Variants in MASP1 observed in about 807,000 individuals in gnomAD.
MASP1 encodes mannan-binding lectin serine protease 1.
A neutral mutation model predicts 77.1 loss-of-function variants in MASP1; 59 were observed. That is an observed-to-expected ratio of 0.77 (90% CI 0.62 to 0.95). MASP1 has a LOEUF of 0.95. Among genes scored for constraint, MASP1 ranks in the 40% least tolerant of loss-of-function variants. The probability of loss-of-function intolerance (pLI) is 0.00; values close to 1 mark genes in which losing one functional copy is unlikely to be tolerated. For synonymous variants in MASP1, 362 were observed against 354.5 expected (o/e 1.02, Z -0.24); for missense variants, 885 against 912.9 (o/e 0.97, Z 0.39).
chr3:187,225,446 A>C lies in MASP1; in HGVS notation c.1619T>G (p.Leu540Arg), dbSNP rs777936687. Residue 540 changes from leucine to arginine, a missense_variant, in exon 13 of 16, where the codon CTC becomes CGC. Transcript: ENST00000337774. ...TGTGTTGGGATCATACTGGGGGTGGAGAGTGGTGTGTTTGACGCCGAGATG... is the reference window on the plus strand; with the variant it reads ...TGTGTTGGGATCATACTGGGGGTGGCGAGTGGTGTGTTTGACGCCGAGATG... 9 of 1,614,020 alleles carry C rather than the reference A, an allele frequency of 5.6e-6. No individual in the cohort carries two copies. In the East Asian group the frequency reaches 1.6e-4, roughly 28 times the overall value.
In MASP1 at chr3:187,235,465, G is replaced by A. The variant is rs1713068704; in HGVS notation, c.*219C>T. ...GTAGAGTGAGGCCCAGACAGGGAAA[G>A]AGACTTGGACAAGCTCAGGAACACA... On this transcript the variant is annotated 3_prime_UTR_variant, in exon 11 of 11. Coordinates refer to ENST00000296280, the MANE Select transcript of MASP1 (RefSeq NM_139125.4). 1 of 1,519,846 alleles carries A rather than the reference G, an allele frequency of 6.6e-7. No individual in the cohort carries two copies. The highest frequency in any genetic ancestry group is 2.5e-5 in the East Asian group (1 of 40,076). The allele number at this position is 1,519,846 out of a possible 1,614,324, so 94.1% of individuals were successfully genotyped here. A position where few individuals can be genotyped will look rare whatever the true frequency, so the allele number is the denominator to read the frequency against.
downstream of MASP1, among the ~76,000 whole-genome samples, chr3:187,232,355 G>A (rs756147109): frequency 1.3e-5 from 2 of 150,760 alleles, no homozygotes; most frequent in Non-Finnish European, 2.9e-5. Flanking sequence ...CTACCTCTAT[G>A]CCATCATACT....
At chr3:187,265,352 C>T (rs779251172) in intron 2 of MASP1, among the ~76,000 whole-genome samples, 1 of 152,164 alleles carries the variant, frequency 6.6e-6, no homozygotes, top group Non-Finnish European at 1.5e-5. Flanking sequence ...TAGGGAGATA[C>T]TACTGAGGGT....
At position 187,234,179 on chromosome 3, in the gene MASP1, G is replaced by T. The variant is rs1431147461; in HGVS notation, c.*1505C>A. 1 of 1,287,206 alleles carries T rather than the reference G, an allele frequency of 7.8e-7. No homozygotes were observed. Among genetic ancestry groups the T allele is most frequent in the Non-Finnish European group, 1.0e-6 (1 of 988,672 alleles). 79.7% of individuals were successfully genotyped at this position (1,287,206 alleles called of 1,614,324 possible). ...GAATGGTGAAGCATATGATATAAAA[G>T]ATACAAAATATAACATCATTTACAT... On this transcript the variant is annotated 3_prime_UTR_variant, in exon 11 of 11. Transcript: ENST00000296280.
chr3:187,265,498 C>A (rs569204316), intron 2 of MASP1, among the ~76,000 whole-genome samples: 3 of 152,202 alleles, frequency 2.0e-5, no homozygotes, highest in African/African-American at 7.2e-5. Context: ...CAGCTGAGGC[C>A]CATGGGAAAA....
chr3:187,253,097 C>A, intron 6 of MASP1, 71 bp downstream of exon 6: 1 of 1,601,928 alleles, frequency 6.2e-7, no homozygotes. Context: ...CTGCACACCT[C>A]CTCCCTCAGC....
chr3:187,291,523 T>A (rs1718330791), intron 1 of MASP1, 105 bp downstream of exon 1: 2 of 1,465,782 alleles, frequency 1.4e-6, no homozygotes, highest in African/African-American at 1.4e-5. Flanking sequence ...CACTACCACA[T>A]GCAGGACACG....
intron 15 of MASP1, chr3:187,220,362 G>A (rs1711972515): frequency 1.9e-6 from 2 of 1,055,582 alleles, no homozygotes; most frequent in Non-Finnish European, 2.8e-6. Flanking sequence ...GGGCACTAGA[G>A]GGCATAGCAG....
Position 187,273,741 on chromosome 3 carries a change from G to A in MASP1, c.238-11021C>T, listed in dbSNP as rs542677464. On this transcript the variant is annotated intron_variant, in intron 2 of 10. Coordinates refer to ENST00000296280, the MANE Select transcript of MASP1 (RefSeq NM_139125.4). ...CAGATAGAAACTTGGGTCTAGAAAC[G>A]AAGGAGGCATCTGGTATGTGTTTGC... Among the ~76,000 whole-genome samples, 39 of 152,324 alleles carry A rather than the reference G, an allele frequency of 2.6e-4. No homozygotes were observed. The South Asian group carries it at 7.9e-3, about 31-fold the overall frequency.
At chr3:187,219,168 C>G (rs562034927) in exon 16 of MASP1, 1 of 152,156 alleles carries the variant, frequency 6.6e-6, no homozygotes, top group African/African-American at 2.4e-5. Flanking sequence ...TCCTTTGAAC[C>G]GATTGTAATT....
intron 4 of MASP1, among the ~76,000 whole-genome samples, 179 bp downstream of exon 4, chr3:187,260,562 G>T (rs755900062): frequency 1.7e-4 from 26 of 152,236 alleles, no homozygotes; most frequent in Non-Finnish European, 2.9e-4. Flanking sequence ...GGGAACCCAA[G>T]ATCAGGTTTC....
chr3:187,229,504 T>C (rs1381800574), downstream of MASP1, among the ~76,000 whole-genome samples: 1 of 152,208 alleles, frequency 6.6e-6, no homozygotes, highest in Non-Finnish European at 1.5e-5. Context: ...TGGCTCTCCC[T>C]GAACTCACAG....
intron 1 of MASP1, among the ~76,000 whole-genome samples, chr3:187,289,974 T>C (rs1320372795): frequency 6.6e-6 from 1 of 152,228 alleles, no homozygotes; most frequent in East Asian, 1.9e-4. Context: ...TGGAGACTTT[T>C]CTAGCAGAGC....
downstream of MASP1, among the ~76,000 whole-genome samples, chr3:187,229,333 TC>T (rs1712628804): frequency 1.3e-5 from 2 of 152,328 alleles, no homozygotes; most frequent in East Asian, 3.9e-4. Context: ...TCTCCTGGCC[TC>T]CAGTTTCACC....
chr3:187,230,016 T>C, downstream of MASP1: 2 of 1,090,362 alleles, frequency 1.8e-6, no homozygotes, highest in Non-Finnish European at 2.6e-6. Context: ...CCTCCACCAT[T>C]AATTGACCTT....
chr3:187,258,613 C>T (rs984223605), intron 4 of MASP1, among the ~76,000 whole-genome samples: 10 of 152,160 alleles, frequency 6.6e-5, no homozygotes, highest in Middle Eastern at 3.2e-3. Flanking sequence ...ACTATGAGGA[C>T]GGCCACCTGC....
chr3:187,239,170 C>T (rs868360795), intron 10 of MASP1, among the ~76,000 whole-genome samples: 36 of 150,006 alleles, frequency 2.4e-4, no homozygotes. Context: ...TAGAGAAACC[C>T]CGTCTCTACT....
At chr3:187,275,527 T>A (rs1209992913) in intron 2 of MASP1, among the ~76,000 whole-genome samples, 2 of 152,110 alleles carry the variant, frequency 1.3e-5, no homozygotes, top group African/African-American at 4.8e-5. Context: ...CTCACACCAG[T>A]TTATAAGAGC....
chr3:187,223,385 C>T (rs527629821), intron 13 of MASP1, among the ~76,000 whole-genome samples: 2 of 152,272 alleles, frequency 1.3e-5, no homozygotes, highest in African/African-American at 2.4e-5. Flanking sequence ...GAGCTAGGGG[C>T]ACTGGTTTCT....
Sources: gnomAD v4.1 joint callset for allele counts (sites outside exome capture counted in the v4.1 genomes callset) on GRCh38, gnomAD v4.1.1 for gene constraint, MANE v1.5 for transcripts, NCBI Gene and HGNC (gene_info 2026-07-23, HGNC 2026-07-21) for gene names.